The following CSMD1 variants were observed in gnomAD, a reference collection of about 807,000 sequenced individuals.
The protein encoded by CSMD1 is CUB and Sushi multiple domains 1.
CSMD1 carries 213 observed loss-of-function variants against 417.5 expected under a neutral mutation model. The observed-to-expected ratio is 0.51, with a 90% CI of 0.46 to 0.57. CSMD1 has a LOEUF of 0.57. Among genes scored for constraint, CSMD1 ranks in the 20% least tolerant of loss-of-function variants. The pLI, the probability that CSMD1 is intolerant of heterozygous loss-of-function variation, is 0.00. For missense variants in CSMD1, 6,923 were observed against 4,529.7 expected (o/e 1.53, Z -15.17); for synonymous variants, 2,862 against 1,736.8 (o/e 1.65, Z -16.11).
intron 3 of CSMD1, among the ~76,000 whole-genome samples, chr8:4,131,438 G>C (rs530459427): frequency 4.6e-5 from 7 of 151,970 alleles, no homozygotes; most frequent in Admixed American, 3.9e-4. Flanking sequence ...CTACCCCTGA[G>C]GTCAAATATA....
chr8:3,473,638 T>C (rs1045984850), intron 11 of CSMD1, among the ~76,000 whole-genome samples: 16 of 152,350 alleles, frequency 1.1e-4, no homozygotes, highest in African/African-American at 3.6e-4. Flanking sequence ...ATAAAATAGA[T>C]ACTGGCTTTG....
At chr8:3,565,192 A>C (rs1799649990) in intron 10 of CSMD1, among the ~76,000 whole-genome samples, 1 of 113,450 alleles carries the variant, frequency 8.8e-6, no homozygotes, top group Non-Finnish European at 2.0e-5. Flanking sequence ...AAAGATACAT[A>C]GATAGACAGA....
chr8:3,852,143 T>C (rs1026627700), intron 5 of CSMD1, among the ~76,000 whole-genome samples: 2 of 152,060 alleles, frequency 1.3e-5, no homozygotes, highest in African/African-American at 4.8e-5. Context: ...ACAAATACTC[T>C]ATAAGAATAC....
At chr8:4,202,378 T>C (rs1330871255) in intron 3 of CSMD1, among the ~76,000 whole-genome samples, 1 of 152,228 alleles carries the variant, frequency 6.6e-6, no homozygotes, top group Non-Finnish European at 1.5e-5. Context: ...CACACTTTTT[T>C]CTTCTAACAG....
chr8:3,926,025 A>G (rs1413203233), intron 5 of CSMD1, among the ~76,000 whole-genome samples: 2 of 127,194 alleles, frequency 1.6e-5, no homozygotes, highest in Middle Eastern at 7.8e-3. Context: ...ACACACACAC[A>G]CACACACACA....
intron 65 of CSMD1, among the ~76,000 whole-genome samples, chr8:2,951,946 C>T (rs1802665834): frequency 1.3e-5 from 2 of 152,106 alleles, no homozygotes; most frequent in South Asian, 4.1e-4. Flanking sequence ...CTTTTAAATT[C>T]AGTAATGAAA....
intron 50 of CSMD1, among the ~76,000 whole-genome samples, chr8:3,031,562 G>C (rs1810342097): frequency 6.6e-6 from 1 of 151,690 alleles, no homozygotes; most frequent in South Asian, 2.1e-4. Context: ...TTCTTTCTTT[G>C]TTGTTTCCTT....
chr8:3,437,447 A>G (rs575407659), intron 12 of CSMD1, among the ~76,000 whole-genome samples: 1 of 152,186 alleles, frequency 6.6e-6, no homozygotes, highest in African/African-American at 2.4e-5. Flanking sequence ...TGTAATTTGT[A>G]AACAGAATTC....
intron 1 of CSMD1, among the ~76,000 whole-genome samples, chr8:4,652,098 T>G (rs1432413309): frequency 6.6e-6 from 1 of 152,210 alleles, no homozygotes; most frequent in African/African-American, 2.4e-5. Flanking sequence ...ACAATTTTTT[T>G]CCAATTAAAT....
chr8:4,185,055 C>G (rs1455524873), intron 3 of CSMD1, among the ~76,000 whole-genome samples: 2 of 144,534 alleles, frequency 1.4e-5, no homozygotes, highest in Non-Finnish European at 1.5e-5. Context: ...AGGAGAATGG[C>G]TAGAGCCTGG....
At chr8:3,989,674 T>A (rs1477543595) in intron 5 of CSMD1, among the ~76,000 whole-genome samples, 1 of 152,222 alleles carries the variant, frequency 6.6e-6, no homozygotes, top group Admixed American at 6.6e-5. Context: ...TAAGAAACGA[T>A]ACTGTGATAC....
chr8:3,669,938 A>G (rs1221038011), intron 7 of CSMD1, among the ~76,000 whole-genome samples: 2 of 152,198 alleles, frequency 1.3e-5, no homozygotes, highest in Non-Finnish European at 2.9e-5. Context: ...GAGACTTTAA[A>G]TAACACACCC....
intron 3 of CSMD1, among the ~76,000 whole-genome samples, chr8:4,372,174 A>G (rs939886464): frequency 6.6e-6 from 1 of 152,334 alleles, no homozygotes; most frequent in Non-Finnish European, 1.5e-5. Flanking sequence ...GTCCAAAAAG[A>G]GATATTTTTT....
chr8:4,865,460 G>A (rs781274594), intron 1 of CSMD1, among the ~76,000 whole-genome samples: 1 of 151,646 alleles, frequency 6.6e-6, no homozygotes, highest in Non-Finnish European at 1.5e-5. Flanking sequence ...TGATGACTTT[G>A]AGTAATATAT....
At chr8:3,174,414 G>C (rs770693570) in intron 37 of CSMD1, among the ~76,000 whole-genome samples, 1 of 152,146 alleles carries the variant, frequency 6.6e-6, no homozygotes, top group Admixed American at 6.5e-5. Flanking sequence ...AGGATTGCTT[G>C]AACCCAAGAG....
intron 68 of CSMD1, among the ~76,000 whole-genome samples, chr8:2,944,340 T>G (rs990309404): frequency 2.0e-5 from 3 of 152,182 alleles, no homozygotes; most frequent in Non-Finnish European, 1.5e-5. Flanking sequence ...GAAGTGTGTG[T>G]GTATGTGTGC....
chr8:4,080,490 A>G (rs1355725871), intron 3 of CSMD1, among the ~76,000 whole-genome samples: 2 of 152,186 alleles, frequency 1.3e-5, no homozygotes, highest in African/African-American at 2.4e-5. Flanking sequence ...CTGGGTTCCA[A>G]ATTTCTTACT....
At chr8:3,562,356 TG>T (rs1799503758) in intron 10 of CSMD1, among the ~76,000 whole-genome samples, 1 of 74,026 alleles carries the variant, frequency 1.4e-5, no homozygotes, top group Non-Finnish European at 2.9e-5. Context: ...GTATTGCTAA[TG>T]GGACACACAC....
chr8:4,673,477 C>A (rs1435309404), intron 1 of CSMD1, among the ~76,000 whole-genome samples: 1 of 152,096 alleles, frequency 6.6e-6, no homozygotes, highest in African/African-American at 2.4e-5. Flanking sequence ...TTATCTAAAA[C>A]CTCAGGAAAT....
Sources: allele counts gnomAD v4.1 joint callset (sites outside exome capture counted in the v4.1 genomes callset), GRCh38; gene constraint gnomAD v4.1.1; transcripts MANE v1.5; gene names NCBI Gene and HGNC (gene_info 2026-07-23, HGNC 2026-07-21).